The following POLK variants were observed in gnomAD, a reference collection of about 807,000 sequenced individuals.
The protein encoded by POLK is DNA polymerase kappa, also known as polymerase (DNA directed) kappa.
A neutral mutation model predicts 94.0 loss-of-function variants in POLK; 76 were observed. That is an observed-to-expected ratio of 0.81 (90% CI 0.67 to 0.98). The LOEUF (loss-of-function observed/expected upper bound fraction) is 0.98. Among genes scored for constraint, POLK ranks in the 50% least tolerant of loss-of-function variants. The pLI is 0.00. For missense variants in POLK, 954 were observed against 1,010.1 expected (o/e 0.94, Z 0.75); for synonymous variants, 349 against 325.4 (o/e 1.07, Z -0.78).
intron 1 of POLK, among the ~76,000 whole-genome samples, chr5:75,537,685 T>C (rs1769517126): frequency 1.3e-5 from 2 of 152,322 alleles, no homozygotes; most frequent in Middle Eastern, 3.4e-3. Flanking sequence ...AATTACACAT[T>C]ATGGCATTAG....
At chr5:75,550,304 C>T (rs1006835248) in intron 2 of POLK, among the ~76,000 whole-genome samples, 6 of 152,130 alleles carry the variant, frequency 3.9e-5, no homozygotes, top group Admixed American at 6.5e-5. Flanking sequence ...ATCTAAAAAT[C>T]GGCCAAGCTC....
chr5:75,584,719 A>T, intron 8 of POLK, 41 bp from the exon 9 acceptor site: 1 of 1,173,758 alleles, frequency 8.5e-7, no homozygotes, highest in Non-Finnish European at 1.2e-6. Context: ...TTTTAGCTTC[A>T]CTTTAAAATC....
intron 3 of POLK, among the ~76,000 whole-genome samples, chr5:75,568,286 C>G (rs991234230): frequency 1.3e-5 from 2 of 152,154 alleles, no homozygotes; most frequent in African/African-American, 4.8e-5. Context: ...TATTTTCCAG[C>G]TTATTTAATA....
chr5:75,511,920 T>G lies in POLK; in HGVS notation c.-14+6T>G, dbSNP rs1445429521. ...TCGCGATCCTGAGGTAACGGGTGAG[T>G]ATCCCGCGCGGGGATCGCTTGTCCC... On this transcript the variant is annotated splice_donor_region_variant and intron_variant, in intron 1 of 14. Transcript: ENST00000241436. The G allele has an allele frequency of 8.3e-7, 1 of 1,202,546 alleles. No homozygotes were observed. Among genetic ancestry groups the G allele is most frequent in the Non-Finnish European group, 1.2e-6 (1 of 862,232 alleles). The allele number at this position is 1,202,546 out of a possible 1,614,324, so 74.5% of individuals were successfully genotyped here.
At chr5:75,607,449 C>T in the POLK span, among the ~76,000 whole-genome samples, 1 of 129,078 alleles carries the variant, frequency 7.7e-6, no homozygotes, top group Non-Finnish European at 1.6e-5. Context: ...ACCTGGGTGA[C>T]AAAGCGAGAC....
chr5:75,559,865 C>A (rs2112704220), intron 3 of POLK, among the ~76,000 whole-genome samples: 1 of 151,980 alleles, frequency 6.6e-6, no homozygotes, highest in Admixed American at 6.6e-5. Flanking sequence ...CAAATTTATT[C>A]AACAGTCTTG....
intron 4 of POLK, among the ~76,000 whole-genome samples, chr5:75,571,791 TGTAAA>T (rs1184212926): frequency 4.6e-5 from 7 of 152,204 alleles, no homozygotes; most frequent in Admixed American, 1.3e-4. Flanking sequence ...AAGAGTAACT[TGTAAA>T]GTATTGTGGC....
rs747297092 is a variant in POLK at position 75,590,367 on chromosome 5, C to T, written c.1283C>T (p.Ala428Val). The stretch of plus-strand genomic sequence containing the variant: ...AGGACATTCAGTGAGATAAATAAAG[C>T]GGAAGAGCAATACAGCCTATGTCAA... The change falls in exon 11 of 15, where the codon GCG becomes GTG. Residue 428 changes from alanine (A) to valine (V), a missense_variant. Coordinates refer to ENST00000241436, the Ensembl canonical transcript of POLK. 41 of 1,594,550 alleles carry T rather than the reference C, an allele frequency of 2.6e-5. No homozygotes were observed. The East Asian group carries it at 3.8e-4, about 15-fold the overall frequency.
At chr5:75,601,759 G>C (rs1003872580), downstream of POLK, among the ~76,000 whole-genome samples, 1 of 152,142 alleles carries the variant, frequency 6.6e-6, no homozygotes. Flanking sequence ...CCATCTGCTT[G>C]TCTGCTTTTG....
chr5:75,596,257 A>G lies in POLK; in HGVS notation c.1564A>G (p.Arg522Gly), dbSNP rs1464386911. 5 of 1,610,138 alleles carry G rather than the reference A, an allele frequency of 3.1e-6. No homozygotes were observed. In the African/African-American group the frequency reaches 6.7e-5, roughly 22 times the overall value. ...ATCTAGTTTTCCCAATGAAGAGGAC[A>G]GGAAACACCAACAAAGGAGCATTAT... The change falls in exon 13 of 15, where the codon AGG becomes GGG. Residue 522 changes from arginine to glycine, a missense_variant. Coordinates refer to ENST00000241436, the Ensembl canonical transcript of POLK.
At chr5:75,522,860 T>TA (rs376023741) in intron 1 of POLK, among the ~76,000 whole-genome samples, 8,325 of 151,004 alleles carry the variant, frequency 0.055, 465 homozygotes, top group African/African-American at 0.14. Flanking sequence ...TTTATTCTGT[T>TA]AAAAAAAAAG....
intron 3 of POLK, among the ~76,000 whole-genome samples, chr5:75,555,969 C>G (rs1393928757): frequency 2.0e-5 from 3 of 152,200 alleles, no homozygotes; most frequent in African/African-American, 7.2e-5. Flanking sequence ...CTGTAAATAT[C>G]CATGGCCAGG....
intron 1 of POLK, among the ~76,000 whole-genome samples, chr5:75,534,107 A>G (rs1769322306): frequency 6.6e-6 from 1 of 152,102 alleles, no homozygotes; most frequent in South Asian, 2.1e-4. Flanking sequence ...CTCTACTAAA[A>G]ATACAAAAAT....
intron 6 of POLK, among the ~76,000 whole-genome samples, chr5:75,580,881 A>G (rs1772161766): frequency 6.8e-6 from 1 of 146,192 alleles, no homozygotes; most frequent in South Asian, 2.1e-4. Context: ...TTTTTTTTTT[A>G]AGAAAAAGGT....
chr5:75,510,798 G>A (rs1394838816), upstream of POLK, among the ~76,000 whole-genome samples: 1 of 152,114 alleles, frequency 6.6e-6, no homozygotes, highest in Non-Finnish European at 1.5e-5. Context: ...GGACACCGCT[G>A]AAGCCCAACC....
intron 1 of POLK, among the ~76,000 whole-genome samples, chr5:75,532,998 A>G (rs1769255816): frequency 6.6e-6 from 1 of 152,080 alleles, no homozygotes; most frequent in African/African-American, 2.4e-5. Flanking sequence ...CCTTTCTTGG[A>G]TCCGTAGTTT....
At chr5:75,581,918 A>T (rs1342392746) in intron 7 of POLK, 1 of 288,546 alleles carries the variant, frequency 3.5e-6, no homozygotes, top group African/African-American at 2.3e-5. Context: ...TGACCTCATG[A>T]TCCGCCCACC....
chr5:75,607,658 G>C, the POLK span, among the ~76,000 whole-genome samples: 1 of 152,194 alleles, frequency 6.6e-6, no homozygotes, highest in South Asian at 2.1e-4. Flanking sequence ...TGGGCTGCAG[G>C]GGCTGATTCT....
At chr5:75,526,734 A>C (rs140845414) in intron 1 of POLK, among the ~76,000 whole-genome samples, 105 of 152,060 alleles carry the variant, frequency 6.9e-4, no homozygotes, top group African/African-American at 2.4e-3. Flanking sequence ...GACGTGCACC[A>C]CCACAACCGG....
Sources: gnomAD v4.1 joint callset for allele counts (sites outside exome capture counted in the v4.1 genomes callset) on GRCh38, gnomAD v4.1.1 for gene constraint, MANE v1.5 for transcripts, NCBI Gene and HGNC (gene_info 2026-07-23, HGNC 2026-07-21) for gene names.